NRXN1: variants seen among roughly 807,000 people sequenced by gnomAD.
The protein encoded by NRXN1 is neurexin-1.
Under a neutral mutation model 150.9 loss-of-function variants are expected in NRXN1, and 39 were observed. The ratio of observed to expected loss-of-function variants is 0.26; its 90% CI spans 0.20 to 0.34. The LOEUF (loss-of-function observed/expected upper bound fraction) is 0.34, where lower values mean the gene tolerates loss of function less well. NRXN1 is among the 10% of genes least tolerant of loss of function. NRXN1 has a pLI of 1.00. For missense variants in NRXN1, 1,815 were observed against 1,949.9 expected (o/e 0.93, Z 1.30); for synonymous variants, 924 against 757.0 (o/e 1.22, Z -3.62).
chr2:50,883,476 AT>A lies in NRXN1; in HGVS notation c.832+38392del, dbSNP rs781503528. 8.8e-4 allele frequency among the ~76,000 whole-genome samples: 133 copies of A among 151,280 alleles called. 1 individual carries two copies. The highest frequency in any genetic ancestry group is 5.2e-4 in the Non-Finnish European group (35 of 67,736). On this transcript the variant is annotated intron_variant, in intron 5 of 22. Coordinates refer to ENST00000401669, the MANE Select transcript of NRXN1 (RefSeq NM_001330078.2). ...TACACAACTGTACCCTACAGCAAAT[AT>A]TCAAACACTGGAAAATATCTGTGAA...
chr2:50,916,446 T>A (rs1377187736), intron 5 of NRXN1, among the ~76,000 whole-genome samples: 1 of 151,236 alleles, frequency 6.6e-6, no homozygotes, highest in Non-Finnish European at 1.5e-5. Context: ...GGAAATAGCC[T>A]CCTATCAAGC....
intron 18 of NRXN1, among the ~76,000 whole-genome samples, chr2:50,105,951 T>C (rs1701584784): frequency 6.6e-6 from 1 of 151,874 alleles, no homozygotes. Flanking sequence ...ATATATAAAA[T>C]ATGAATTGAT....
At position 49,921,082 on chromosome 2, in the gene NRXN1, T is replaced by C. The variant is rs202178789; in HGVS notation, c.*862A>G. On this transcript the variant is annotated 3_prime_UTR_variant, in exon 23 of 23. Transcript: ENST00000401669. ...CCTATACTTAGCAACACTTATAACA[T>C]TGAATTTACCAAAAATGGCTGAAGA... is the stretch of plus-strand genomic sequence containing the variant. The C allele has an allele frequency of 6.6e-6, 1 of 152,568 alleles. No individual in the cohort carries two copies. The highest frequency in any genetic ancestry group is 2.4e-5 in the African/African-American group (1 of 41,436). 9.5% of individuals were successfully genotyped at this position (152,568 alleles called of 1,614,324 possible). A position where few individuals can be genotyped will look rare whatever the true frequency, so the allele number is the denominator to read the frequency against.
At chr2:49,930,188 G>A (rs1034761429) in intron 22 of NRXN1, among the ~76,000 whole-genome samples, 4 of 152,076 alleles carry the variant, frequency 2.6e-5, no homozygotes, top group African/African-American at 9.7e-5. Flanking sequence ...AAATTTCAAG[G>A]TGGACATGAA....
chr2:50,084,250 G>A (rs1373629739), intron 19 of NRXN1, among the ~76,000 whole-genome samples: 1 of 152,208 alleles, frequency 6.6e-6, no homozygotes, highest in Admixed American at 6.5e-5. Flanking sequence ...CGGTGGATGA[G>A]ACTGGGTGCC....
intron 17 of NRXN1, among the ~76,000 whole-genome samples, chr2:50,380,537 T>C (rs2080879936): frequency 6.6e-6 from 1 of 152,110 alleles, no homozygotes; most frequent in African/African-American, 2.4e-5. Context: ...GTTATAATTC[T>C]GGCTCAGCCA....
rs1692329222 is a variant in NRXN1 at position 50,693,289 on chromosome 2, C to T, written c.833-69674G>A. ...ATGCCAATATGCTAAATACTAAATG[C>T]TAACCGAATAACTATAGGAGGTAGA... is the stretch of plus-strand genomic sequence containing the variant. On this transcript the variant is annotated intron_variant, in intron 5 of 22. Transcript: ENST00000401669. 2.0e-5 allele frequency among the ~76,000 whole-genome samples: 3 copies of T among 152,170 alleles called. No homozygotes were observed. The South Asian group carries it at 6.2e-4, about 31-fold the overall frequency.
chr2:50,628,062 G>A (rs1490806295), intron 5 of NRXN1, among the ~76,000 whole-genome samples: 1 of 151,840 alleles, frequency 6.6e-6, no homozygotes, highest in Non-Finnish European at 1.5e-5. Flanking sequence ...AAGTTTTGGA[G>A]CTTGAAGAGT....
intron 18 of NRXN1, among the ~76,000 whole-genome samples, chr2:50,139,475 A>G (rs1233006649): frequency 1.3e-5 from 2 of 152,194 alleles, no homozygotes; most frequent in African/African-American, 2.4e-5. Context: ...AGATTCAACA[A>G]TTACTTTTGC....
chr2:50,574,839 T>C (rs951179041), intron 8 of NRXN1, among the ~76,000 whole-genome samples: 5 of 152,192 alleles, frequency 3.3e-5, no homozygotes, highest in African/African-American at 1.2e-4. Context: ...CCTTGCTAGC[T>C]GGGCAGCCAT....
At chr2:50,182,110 C>CTTT (rs1381488945) in intron 18 of NRXN1, among the ~76,000 whole-genome samples, 7 of 51,808 alleles carry the variant, frequency 1.4e-4, no homozygotes, top group Admixed American at 8.6e-4. Flanking sequence ...AATTCATTAT[C>CTTT]CTTTTTTTTT....
At chr2:50,915,002 T>C (rs1165470845) in intron 5 of NRXN1, among the ~76,000 whole-genome samples, 1 of 151,558 alleles carries the variant, frequency 6.6e-6, no homozygotes, top group Non-Finnish European at 1.5e-5. Context: ...TGAGAATTTT[T>C]TTAAAGTATG....
rs1023857852 is a variant in NRXN1, at chr2:50,789,409, C to G, written c.832+132460G>C. 4.6e-5 allele frequency among the ~76,000 whole-genome samples: 7 copies of G among 152,252 alleles called. No individual in the cohort carries two copies. The East Asian group carries it at 1.2e-3, about 25-fold the overall frequency. On this transcript the variant is annotated intron_variant, in intron 5 of 22. Coordinates refer to ENST00000401669, the MANE Select transcript of NRXN1 (RefSeq NM_001330078.2). Reference sequence around the variant, plus strand: ...GCTCTATTCAATCTCAGCTACAGGGCAATCACAACTGTAACTAACTCCTAC... The same window carrying G: ...GCTCTATTCAATCTCAGCTACAGGGGAATCACAACTGTAACTAACTCCTAC...
At chr2:50,480,563 G>A (rs935185359) in intron 15 of NRXN1, among the ~76,000 whole-genome samples, 5 of 152,114 alleles carry the variant, frequency 3.3e-5, no homozygotes, top group African/African-American at 1.2e-4. Context: ...CTAACTGTGT[G>A]GACCCTTAGT....
chr2:50,665,217 T>G (rs533907819), intron 5 of NRXN1, among the ~76,000 whole-genome samples: 1 of 152,070 alleles, frequency 6.6e-6, no homozygotes, highest in Admixed American at 6.6e-5. Context: ...CTACTACTTT[T>G]CTACCAGTTA....
intron 5 of NRXN1, among the ~76,000 whole-genome samples, chr2:50,743,786 GAAGT>G (rs1444780344): frequency 1.5e-4 from 23 of 152,056 alleles, no homozygotes; most frequent in Admixed American, 3.9e-4. Context: ...ACCTTGAAAA[GAAGT>G]AAGACATGAC....
At chr2:50,921,791 G>A (rs955786390) in intron 5 of NRXN1, 78 bp downstream of exon 5, 1 of 640,218 alleles carries the variant, frequency 1.6e-6, no homozygotes, top group Non-Finnish European at 2.4e-6. Context: ...ATGCCAAAAG[G>A]TCTAAATACA....
At chr2:50,344,335 G>A in intron 17 of NRXN1, among the ~76,000 whole-genome samples, 1 of 152,008 alleles carries the variant, frequency 6.6e-6, no homozygotes, top group African/African-American at 2.4e-5. Flanking sequence ...TTCACACCTG[G>A]CTTTTATTTG....
At chr2:50,466,592 C>T (rs1028134388) in intron 16 of NRXN1, 2 of 434,824 alleles carry the variant, frequency 4.6e-6, no homozygotes, top group South Asian at 1.7e-5. Context: ...AGGCATGCTG[C>T]TGTAAAGAGG....
Sources: allele counts gnomAD v4.1 joint callset (sites outside exome capture counted in the v4.1 genomes callset), GRCh38; gene constraint gnomAD v4.1.1; transcripts MANE v1.5; gene names NCBI Gene and HGNC (gene_info 2026-07-23, HGNC 2026-07-21).